The following SEC24B variants were observed in gnomAD, a reference collection of about 807,000 sequenced individuals.
SEC24B encodes the protein SEC24 homolog B, COPII component.
In SEC24B, 45 loss-of-function variants were observed where a neutral mutation model predicts 142.8. That is an observed-to-expected ratio of 0.32 (90% confidence interval 0.25 to 0.40). The LOEUF (loss-of-function observed/expected upper bound fraction) is 0.40. Among genes scored for constraint, SEC24B ranks in the 10% least tolerant of loss-of-function variants. The probability of loss-of-function intolerance (pLI) is 1.00; values close to 1 mark genes in which losing one functional copy is unlikely to be tolerated. For synonymous variants in SEC24B, 574 were observed against 568.2 expected (o/e 1.01, Z -0.15); for missense variants, 1,409 against 1,526.8 (o/e 0.92, Z 1.29).
At chr4:109,528,849 C>G (rs945497759) in intron 18 of SEC24B, among the ~76,000 whole-genome samples, 2 of 152,090 alleles carry the variant, frequency 1.3e-5, no homozygotes, top group African/African-American at 2.4e-5. Flanking sequence ...CCGAAGGATC[C>G]AAATTTTTTT....
At chr4:109,434,818 C>A (rs751520291) in intron 1 of SEC24B, among the ~76,000 whole-genome samples, 1 of 152,170 alleles carries the variant, frequency 6.6e-6, no homozygotes, top group Non-Finnish European at 1.5e-5. Context: ...TTCATACAGG[C>A]AGCAGCCAAA....
chr4:109,529,001 A>G (rs1267107119), intron 18 of SEC24B, among the ~76,000 whole-genome samples: 1 of 152,164 alleles, frequency 6.6e-6, no homozygotes, highest in East Asian at 1.9e-4. Context: ...TGTCTCTACT[A>G]AAAATACAAA....
Position 109,530,443 on chromosome 4 carries a change from T to C in SEC24B, c.3231T>C (p.Tyr1077=), listed in dbSNP as rs1724781701. ...GCTCCCTCAAGTTGTTTCCTCTCTA[T>C]GTTTTGGCCCTTCTCAAACAGGTAG... ...APSSLKLFPL[Y]VLALLKQKAF... is the part of the protein sequence containing the mutation. Residue 1077 remains tyrosine, a synonymous_variant, in exon 19 of 24, where the codon TAT becomes TAC. Coordinates refer to ENST00000265175, the MANE Select transcript of SEC24B (RefSeq NM_006323.5). 2 of 1,613,882 alleles carry C rather than the reference T, an allele frequency of 1.2e-6. No individual in the cohort carries two copies. Among genetic ancestry groups the C allele is most frequent in the Non-Finnish European group, 1.7e-6 (2 of 1,179,886 alleles).
intron 1 of SEC24B, among the ~76,000 whole-genome samples, chr4:109,456,587 TGA>T: frequency 6.6e-6 from 1 of 152,142 alleles, no homozygotes; most frequent in Non-Finnish European, 1.5e-5. Context: ...CCTAGTTTAT[TGA>T]GAGTTTTTAT....
chr4:109,500,902 A>T (rs1421176637), intron 6 of SEC24B, among the ~76,000 whole-genome samples: 1 of 152,062 alleles, frequency 6.6e-6, no homozygotes, highest in Non-Finnish European at 1.5e-5. Context: ...CAGGTGATCC[A>T]CCCGCCTAGG....
chr4:109,488,366 A>G (rs754800903), intron 4 of SEC24B, among the ~76,000 whole-genome samples: 1 of 152,184 alleles, frequency 6.6e-6, no homozygotes, highest in Non-Finnish European at 1.5e-5. Context: ...GAGATCATAT[A>G]ATATGTGGTT....
intron 1 of SEC24B, among the ~76,000 whole-genome samples, chr4:109,461,039 G>A (rs1308915819): frequency 6.6e-6 from 1 of 152,156 alleles, no homozygotes; most frequent in East Asian, 1.9e-4. Context: ...AGTAACCTGG[G>A]GGAAATACTT....
chr4:109,487,439 G>C (rs553680992), intron 4 of SEC24B, among the ~76,000 whole-genome samples: 103 of 152,300 alleles, frequency 6.8e-4, no homozygotes, highest in Admixed American at 3.5e-3. Context: ...AAAGGGACAG[G>C]TGAGAGATGC....
At chr4:109,484,971 A>T (rs1354772354) in intron 4 of SEC24B, among the ~76,000 whole-genome samples, 1 of 151,664 alleles carries the variant, frequency 6.6e-6, no homozygotes, top group Non-Finnish European at 1.5e-5. Context: ...TTTGGATTTT[A>T]ATAATACCTA....
At chr4:109,495,832 G>A (rs1180163465) in intron 6 of SEC24B, among the ~76,000 whole-genome samples, 1 of 152,088 alleles carries the variant, frequency 6.6e-6, no homozygotes, top group Non-Finnish European at 1.5e-5. Context: ...TCTGCAGCGC[G>A]ACTTTACAGG....
intron 1 of SEC24B, among the ~76,000 whole-genome samples, chr4:109,454,492 C>T (rs986900304): frequency 4.0e-5 from 6 of 150,988 alleles, no homozygotes; most frequent in African/African-American, 1.5e-4. Context: ...GAGCTGAGAT[C>T]GCACCACTGC....
At position 109,463,204 on chromosome 4, in the gene SEC24B, C is replaced by T. The variant is rs756954505; in HGVS notation, c.437C>T (p.Thr146Met). Reference protein sequence around the residue: ...GAASSASHLHTSASQPYSSFV... With the variant: ...GAASSASHLHMSASQPYSSFV... The stretch of plus-strand genomic sequence containing the variant: ...GCATCGTCAGCATCCCATTTGCATA[C>T]GAGTGCCTCCCAACCATACTCCTCT... The change falls in exon 2 of 24, where the codon ACG becomes ATG. Residue 146 changes from threonine (T) to methionine (M), a missense_variant. Transcript: ENST00000265175. 28 of 1,614,054 alleles carry T rather than the reference C, an allele frequency of 1.7e-5. No homozygotes were observed. Among genetic ancestry groups the T allele is most frequent in the South Asian group, 6.6e-5 (6 of 91,090 alleles).
At chr4:109,500,502 G>A (rs529748861) in intron 6 of SEC24B, among the ~76,000 whole-genome samples, 52 of 145,238 alleles carry the variant, frequency 3.6e-4, no homozygotes, top group African/African-American at 1.3e-3. Flanking sequence ...CAAAATTGCA[G>A]CAGTGCACAC....
chr4:109,496,029 T>A (rs1237076911), intron 6 of SEC24B, among the ~76,000 whole-genome samples: 1 of 152,206 alleles, frequency 6.6e-6, no homozygotes, highest in African/African-American at 2.4e-5. Flanking sequence ...TAACAACTGA[T>A]ATGATATTTA....
intron 1 of SEC24B, among the ~76,000 whole-genome samples, chr4:109,438,514 A>G (rs751824780): frequency 2.0e-5 from 3 of 152,178 alleles, no homozygotes; most frequent in Non-Finnish European, 4.4e-5. Context: ...ACTGATCTCA[A>G]ACTCCTGGCT....
At chr4:109,447,561 T>A (rs1729599557) in intron 1 of SEC24B, among the ~76,000 whole-genome samples, 1 of 152,180 alleles carries the variant, frequency 6.6e-6, no homozygotes, top group Non-Finnish European at 1.5e-5. Flanking sequence ...CTATTTGACT[T>A]CACCATATCA....
At chr4:109,475,173 TATC>T (rs1291612482) in intron 3 of SEC24B, among the ~76,000 whole-genome samples, 1 of 152,230 alleles carries the variant, frequency 6.6e-6, no homozygotes, top group East Asian at 1.9e-4. Flanking sequence ...TAACAGAAAA[TATC>T]ATACTGGGGA....
At chr4:109,467,253 G>C (rs1307324975) in intron 2 of SEC24B, among the ~76,000 whole-genome samples, 3 of 149,958 alleles carry the variant, frequency 2.0e-5, no homozygotes, top group Non-Finnish European at 4.4e-5. Context: ...GTGAACCCGG[G>C]AGGCGGAGCT....
chr4:109,509,887 G>T, intron 7 of SEC24B, 122 bp from the exon 8 acceptor site: 1 of 556,300 alleles, frequency 1.8e-6, no homozygotes. Context: ...CTTGCTTACA[G>T]TTACAGTAAC....
Sources: allele counts gnomAD v4.1 joint callset (sites outside exome capture counted in the v4.1 genomes callset), GRCh38; gene constraint gnomAD v4.1.1; transcripts MANE v1.5; gene names NCBI Gene and HGNC (gene_info 2026-07-23, HGNC 2026-07-21).